RIPOR2: variants seen among roughly 807,000 people sequenced by gnomAD.
The protein encoded by RIPOR2 is rho family-interacting cell polarization regulator 2.
RIPOR2 carries 39 observed loss-of-function variants against 114.5 expected under a neutral mutation model. The ratio of observed to expected loss-of-function variants is 0.34; its 90% CI spans 0.26 to 0.44. The LOEUF (loss-of-function observed/expected upper bound fraction) is 0.44. RIPOR2 is among the 20% of genes least tolerant of loss of function. RIPOR2 has a pLI of 1.00. For synonymous variants in RIPOR2, 445 were observed against 484.4 expected (o/e 0.92, Z 1.07); for missense variants, 1,007 against 1,255.1 (o/e 0.80, Z 2.99).
chr6:24,855,371 T>TA (rs1491201470), intron 8 of RIPOR2, among the ~76,000 whole-genome samples: 1 of 111,744 alleles, frequency 8.9e-6, no homozygotes, highest in African/African-American at 2.8e-5. Flanking sequence ...TATATGACTT[T>TA]ATTTTTTTTT....
chr6:24,993,724 C>T (rs1774931468), intron 1 of RIPOR2, among the ~76,000 whole-genome samples: 1 of 152,202 alleles, frequency 6.6e-6, no homozygotes, highest in Non-Finnish European at 1.5e-5. Context: ...ATTCAGTCTG[C>T]CAATTGTTTG....
intron 1 of RIPOR2, among the ~76,000 whole-genome samples, chr6:24,899,417 T>C (rs1162348334): frequency 1.3e-5 from 2 of 152,218 alleles, no homozygotes; most frequent in African/African-American, 2.4e-5. Flanking sequence ...ATCTGAGAAC[T>C]CTATTTGTGA....
chr6:24,839,816 T>TC (rs1761477464), intron 13 of RIPOR2: 1 of 1,341,176 alleles, frequency 7.5e-7, no homozygotes, highest in Non-Finnish European at 9.5e-7. Context: ...CTTCGGTGTT[T>TC]TACAAAAGGC....
chr6:24,916,407 A>C (rs1284997667), intron 1 of RIPOR2, among the ~76,000 whole-genome samples: 3 of 152,230 alleles, frequency 2.0e-5, no homozygotes. Context: ...TTGGTTTATA[A>C]GCTCTGCGAT....
At chr6:24,856,660 C>T (rs1005324301) in intron 8 of RIPOR2, among the ~76,000 whole-genome samples, 1 of 152,158 alleles carries the variant, frequency 6.6e-6, no homozygotes, top group Non-Finnish European at 1.5e-5. Context: ...GAGGCTGAGG[C>T]ATGAGAATCG....
intron 1 of RIPOR2, among the ~76,000 whole-genome samples, chr6:25,001,882 G>A (rs1298596156): frequency 3.3e-5 from 5 of 150,306 alleles, no homozygotes; most frequent in Admixed American, 3.3e-4. Context: ...TCTTTTTTTT[G>A]TATTTTTAGT....
intron 1 of RIPOR2, among the ~76,000 whole-genome samples, chr6:24,973,577 CAG>C (rs1414713847): frequency 1.4e-5 from 2 of 139,562 alleles, no homozygotes; most frequent in Admixed American, 7.6e-5. Flanking sequence ...AGCCTAGTGA[CAG>C]AGTGAGACTG....
At chr6:24,970,177 A>G (rs936752138) in intron 1 of RIPOR2, among the ~76,000 whole-genome samples, 6 of 151,994 alleles carry the variant, frequency 3.9e-5, no homozygotes, top group African/African-American at 1.4e-4. Flanking sequence ...AAAAGGACCA[A>G]TTGTCAGAGC....
At position 24,806,348 on chromosome 6, in the gene RIPOR2, C is replaced by T. The variant is rs997009136; in HGVS notation, c.*25G>A. 4 of 1,455,350 alleles carry T rather than the reference C, an allele frequency of 2.7e-6. No individual in the cohort carries two copies. Among genetic ancestry groups the T allele is most frequent in the East Asian group, 2.5e-5 (1 of 40,512 alleles). 90.2% of individuals were successfully genotyped at this position (1,455,350 alleles called of 1,614,324 possible). A position where few individuals can be genotyped will look rare whatever the true frequency, so the allele number is the denominator to read the frequency against. On this transcript the variant is annotated 3_prime_UTR_variant, in exon 22 of 22. Transcript: ENST00000643898. ...TGATGAAAAGGGCCAGATATTAAGACAGCTGTTAGGCAGTTAACCTGTAAT... is the reference window on the plus strand; with the variant it reads ...TGATGAAAAGGGCCAGATATTAAGATAGCTGTTAGGCAGTTAACCTGTAAT...
At chr6:25,041,921 C>T in exon 1 of RIPOR2, 1 of 702,846 alleles carries the variant, frequency 1.4e-6, no homozygotes, top group East Asian at 2.7e-5. Flanking sequence ...GCGAAGGTAA[C>T]ACCATGGTCC....
At chr6:24,948,902 G>A (rs983637190) in intron 1 of RIPOR2, among the ~76,000 whole-genome samples, 35 of 152,158 alleles carry the variant, frequency 2.3e-4, no homozygotes, top group African/African-American at 6.0e-4. Context: ...ACTTTGTAAC[G>A]ACCAATGGGT....
intron 6 of RIPOR2, among the ~76,000 whole-genome samples, chr6:24,867,697 T>C (rs567521144): frequency 6.6e-6 from 1 of 152,328 alleles, no homozygotes; most frequent in African/African-American, 2.4e-5. Context: ...TATCAACCTA[T>C]CCTAGCCAAA....
intron 1 of RIPOR2, among the ~76,000 whole-genome samples, chr6:25,002,047 C>T (rs1226032407): frequency 6.6e-6 from 1 of 152,092 alleles, no homozygotes; most frequent in African/African-American, 2.4e-5. Context: ...TTCAGCTCTA[C>T]CATTGTAGTT....
chr6:24,983,319 TC>T (rs1774382933), intron 1 of RIPOR2, among the ~76,000 whole-genome samples: 1 of 152,016 alleles, frequency 6.6e-6, no homozygotes, highest in Non-Finnish European at 1.5e-5. Context: ...CAGAACTTCA[TC>T]TTTTTAAACA....
At chr6:24,917,586 A>G (rs61426811) in intron 1 of RIPOR2, among the ~76,000 whole-genome samples, 2,684 of 152,048 alleles carry the variant, frequency 0.018, 69 homozygotes, top group African/African-American at 0.058. Context: ...CTGGAGTGCA[A>G]TGGCGCGATC....
intron 1 of RIPOR2, among the ~76,000 whole-genome samples, chr6:24,932,764 AT>A (rs1333043105): frequency 1.3e-5 from 2 of 152,238 alleles, no homozygotes; most frequent in African/African-American, 4.8e-5. Flanking sequence ...TTGCAAGGAA[AT>A]ATAGTTGCCC....
intron 1 of RIPOR2, among the ~76,000 whole-genome samples, chr6:25,033,811 C>CA (rs1187908060): frequency 1.1e-4 from 17 of 152,192 alleles, no homozygotes; most frequent in Admixed American, 9.8e-4. Flanking sequence ...CTGTGGTCTA[C>CA]AAAAAACAAA....
At chr6:24,993,156 C>CTA (rs1318820654) in intron 1 of RIPOR2, among the ~76,000 whole-genome samples, 2 of 152,020 alleles carry the variant, frequency 1.3e-5, no homozygotes, top group Non-Finnish European at 2.9e-5. Context: ...AGCTAGTGGC[C>CTA]TACTTTATTA....
At chr6:24,840,489 G>GTATTTCCAAATACTTCAAGA (rs1761596127) in intron 13 of RIPOR2, 21 of 1,385,454 alleles carry the variant, frequency 1.5e-5, no homozygotes, top group Non-Finnish European at 2.0e-5. Context: ...TTGGAGAGAA[G>GTATTTCCAAATACTTCAAGA]TATTTCCAAA....
Sources: gnomAD v4.1 joint callset for allele counts (sites outside exome capture counted in the v4.1 genomes callset) on GRCh38, gnomAD v4.1.1 for gene constraint, MANE v1.5 for transcripts, NCBI Gene and HGNC (gene_info 2026-07-23, HGNC 2026-07-21) for gene names.